TLL1: variants seen among roughly 807,000 people sequenced by gnomAD.
The protein encoded by TLL1 is tolloid like 1.
TLL1 carries 49 observed loss-of-function variants against 128.2 expected under a neutral mutation model. The ratio of observed to expected loss-of-function variants is 0.38; its 90% CI spans 0.30 to 0.48. TLL1 has a LOEUF of 0.48. TLL1 is among the 20% of genes least tolerant of loss of function. The pLI, the probability that TLL1 is intolerant of heterozygous loss-of-function variation, is 0.96. For missense variants in TLL1, 1,123 were observed against 1,242.0 expected (o/e 0.90, Z 1.44); for synonymous variants, 454 against 418.8 (o/e 1.08, Z -1.03).
At chr4:165,973,554 G>T (rs1579566784) in intron 1 of TLL1, among the ~76,000 whole-genome samples, 1 of 151,786 alleles carries the variant, frequency 6.6e-6, no homozygotes, top group Admixed American at 6.6e-5. Context: ...CCTTTTATTG[G>T]TTTAGTGGCT....
At chr4:166,053,529 C>T (rs1019807976) in intron 12 of TLL1, among the ~76,000 whole-genome samples, 4 of 152,030 alleles carry the variant, frequency 2.6e-5, no homozygotes, top group Admixed American at 1.3e-4. Flanking sequence ...GACTAGGAAG[C>T]AGCAAATGTA....
intron 9 of TLL1, chr4:166,030,669 G>T (rs893973433): frequency 1.0e-6 from 1 of 962,174 alleles, no homozygotes; most frequent in Non-Finnish European, 1.3e-6. Flanking sequence ...AATCAATATT[G>T]TGTTAATAGA....
At chr4:165,979,086 C>T (rs1459337632) in intron 1 of TLL1, among the ~76,000 whole-genome samples, 3 of 152,072 alleles carry the variant, frequency 2.0e-5, no homozygotes, top group Non-Finnish European at 2.9e-5. Context: ...TCCATTATTA[C>T]GTGGCTATTG....
At chr4:165,935,539 T>C (rs1009056090) in intron 1 of TLL1, among the ~76,000 whole-genome samples, 3 of 152,198 alleles carry the variant, frequency 2.0e-5, no homozygotes, top group African/African-American at 7.2e-5. Context: ...TGAATACCCA[T>C]GTAACTACCA....
intron 9 of TLL1, among the ~76,000 whole-genome samples, chr4:166,034,658 G>C (rs979486111): frequency 1.3e-5 from 2 of 152,134 alleles, no homozygotes; most frequent in Non-Finnish European, 2.9e-5. Flanking sequence ...GGAAAAAGAA[G>C]TGGAGGAGTA....
chr4:166,002,711 C>T lies in TLL1; in HGVS notation c.633-680C>T, dbSNP rs142569105. On this transcript the variant is annotated intron_variant, in intron 5 of 20. Coordinates refer to ENST00000061240, the MANE Select transcript of TLL1 (RefSeq NM_012464.5). ...CCTCCCAGGTTGGCCTTCCGAAGTG[C>T]TAGGATTACAGGCATGAGCCACTGC... Among the ~76,000 whole-genome samples the T allele has an allele frequency of 3.8e-3, 578 of 152,218 alleles. 7 individuals carry two copies. The highest frequency in any genetic ancestry group is 0.013 in the African/African-American group (552 of 41,552).
At chr4:165,876,999 A>C (rs1003395397) in intron 1 of TLL1, among the ~76,000 whole-genome samples, 1 of 152,222 alleles carries the variant, frequency 6.6e-6, no homozygotes, top group Non-Finnish European at 1.5e-5. Flanking sequence ...ATATGTTCTC[A>C]ATACCTTCTC....
At chr4:165,949,657 G>A (rs1055403523) in intron 1 of TLL1, among the ~76,000 whole-genome samples, 6 of 152,046 alleles carry the variant, frequency 3.9e-5, no homozygotes, top group Non-Finnish European at 7.4e-5. Context: ...GGTGGCAGAC[G>A]AGAACAGAGA....
chr4:166,096,207 A>AT (rs1742009613), intron 19 of TLL1, among the ~76,000 whole-genome samples: 1 of 135,916 alleles, frequency 7.4e-6, no homozygotes, highest in African/African-American at 3.0e-5. Flanking sequence ...GAATTCTGTC[A>AT]TGGGTGTGTG....
At chr4:166,040,912 C>T (rs1279943294) in intron 10 of TLL1, among the ~76,000 whole-genome samples, 1 of 152,066 alleles carries the variant, frequency 6.6e-6, no homozygotes. Context: ...AAATGGATAA[C>T]ATGTTTGTAG....
At chr4:165,959,272 G>A (rs1396517480) in intron 1 of TLL1, among the ~76,000 whole-genome samples, 1 of 152,002 alleles carries the variant, frequency 6.6e-6, no homozygotes, top group East Asian at 1.9e-4. Context: ...GCTTGATGGG[G>A]ATGGCATTGA....
intron 18 of TLL1, among the ~76,000 whole-genome samples, chr4:166,087,830 CCA>C (rs1414727036): frequency 6.6e-6 from 1 of 152,070 alleles, no homozygotes; most frequent in African/African-American, 2.4e-5. Flanking sequence ...GTTATTATTT[CCA>C]CAGCCTATAA....
chr4:165,928,053 TAC>T (rs1287760987), intron 1 of TLL1, among the ~76,000 whole-genome samples: 5 of 152,302 alleles, frequency 3.3e-5, no homozygotes, highest in African/African-American at 1.2e-4. Context: ...TGTGGTTTTG[TAC>T]AGAGTGGAAA....
At chr4:165,886,748 T>C (rs1731178513) in intron 1 of TLL1, among the ~76,000 whole-genome samples, 1 of 152,194 alleles carries the variant, frequency 6.6e-6, no homozygotes, top group African/African-American at 2.4e-5. Context: ...AAAATTCATA[T>C]TTTTTAACCA....
In TLL1 at chr4:166,066,113, G is replaced by A. The variant is rs911705736; in HGVS notation, c.2188+250G>A. 1.8e-4 allele frequency among the ~76,000 whole-genome samples: 27 copies of A among 150,374 alleles called. No individual in the cohort carries two copies. In the East Asian group the frequency reaches 2.5e-3, roughly 14 times the overall value. On this transcript the variant is annotated intron_variant, in intron 16 of 20. Transcript: ENST00000061240. ...TTCAAAATAATTTTGCTTTGTGTTC[G>A]GAAAATGTAGTCTCATTTTAGCAAC...
intron 1 of TLL1, among the ~76,000 whole-genome samples, chr4:165,898,215 C>T (rs1156299329): frequency 3.3e-5 from 5 of 152,162 alleles, no homozygotes; most frequent in African/African-American, 9.7e-5. Context: ...TCTGAATATG[C>T]TTTATTTCTT....
intron 1 of TLL1, among the ~76,000 whole-genome samples, chr4:165,891,060 C>T (rs1383539185): frequency 6.6e-6 from 1 of 152,188 alleles, no homozygotes; most frequent in Admixed American, 6.5e-5. Flanking sequence ...AGGTTGCACC[C>T]TCTGAAGCAA....
intron 15 of TLL1, among the ~76,000 whole-genome samples, chr4:166,062,961 C>T (rs1247120788): frequency 2.0e-5 from 3 of 152,142 alleles, no homozygotes; most frequent in African/African-American, 4.8e-5. Context: ...GCCTTTTCTG[C>T]ATCTATTGAG....
chr4:166,000,882 CTTCT>C (rs1351343842), intron 5 of TLL1, among the ~76,000 whole-genome samples: 1 of 152,098 alleles, frequency 6.6e-6, no homozygotes, highest in African/African-American at 2.4e-5. Flanking sequence ...TCACCTCTTT[CTTCT>C]TTCTATTACT....
Sources: gnomAD v4.1 joint callset for allele counts (sites outside exome capture counted in the v4.1 genomes callset) on GRCh38, gnomAD v4.1.1 for gene constraint, MANE v1.5 for transcripts, NCBI Gene and HGNC (gene_info 2026-07-23, HGNC 2026-07-21) for gene names.